PTPRM: variants seen among roughly 807,000 people sequenced by gnomAD.
PTPRM encodes the protein receptor-type tyrosine-protein phosphatase mu.
In PTPRM, 47 loss-of-function variants were observed where a neutral mutation model predicts 186.7. The observed-to-expected ratio is 0.25, with a 90% CI of 0.20 to 0.32. PTPRM has a LOEUF of 0.32. Ranked by LOEUF, PTPRM falls within the 10% of genes least tolerant of loss-of-function variation. The probability of loss-of-function intolerance (pLI) is 1.00; values close to 1 mark genes in which losing one functional copy is unlikely to be tolerated. For missense variants in PTPRM, 1,494 were observed against 1,865.0 expected (o/e 0.80, Z 3.66); for synonymous variants, 668 against 674.9 (o/e 0.99, Z 0.16).
chr18:7,807,717 T>C (rs1598815442), intron 2 of PTPRM, among the ~76,000 whole-genome samples: 2 of 152,346 alleles, frequency 1.3e-5, no homozygotes, highest in East Asian at 3.9e-4. Flanking sequence ...ATAGCATAAT[T>C]GGCTAAGACT....
rs1178603481 is a variant in PTPRM at position 8,125,976 on chromosome 18, CATATAT to C, written c.2167+11196_2167+11201del. Among the ~76,000 whole-genome samples the C allele has an allele frequency of 6.2e-3, 370 of 59,638 alleles. 8 individuals carry two copies. The highest frequency in any genetic ancestry group is 0.011 in the Middle Eastern group (1 of 90). 39.1% of individuals were successfully genotyped at this position (59,638 alleles called of 152,430 possible). A position where few individuals can be genotyped will look rare whatever the true frequency, so the allele number is the denominator to read the frequency against. On this transcript the variant is annotated intron_variant, in intron 13 of 32. Coordinates refer to ENST00000580170, the MANE Select transcript of PTPRM (RefSeq NM_001105244.2). ...GGAGAATGCTATATGTGTGTGTATA[CATATAT>C]ATATATATATATATATATATATATA...
At chr18:8,013,731 A>G (rs1021786507) in intron 7 of PTPRM, among the ~76,000 whole-genome samples, 1 of 152,202 alleles carries the variant, frequency 6.6e-6, no homozygotes. Context: ...CATTAGTTCA[A>G]GGATAACAGG....
intron 3 of PTPRM, among the ~76,000 whole-genome samples, chr18:7,895,704 G>A (rs2049319673): frequency 6.6e-6 from 1 of 152,204 alleles, no homozygotes; most frequent in African/African-American, 2.4e-5. Flanking sequence ...AAAATACTGA[G>A]TTAATTTTCA....
intron 14 of PTPRM, among the ~76,000 whole-genome samples, chr18:8,173,414 C>A (rs1044337221): frequency 2.0e-5 from 3 of 152,242 alleles, no homozygotes; most frequent in Non-Finnish European, 4.4e-5. Flanking sequence ...AGAATCGGGC[C>A]AGGGTCAGAC....
intron 13 of PTPRM, among the ~76,000 whole-genome samples, chr18:8,139,193 C>T (rs78562524): frequency 0.02 from 2,975 of 152,296 alleles, 65 homozygotes; most frequent in African/African-American, 0.054. Flanking sequence ...AAACCTGCTC[C>T]TCCTGCAGTT....
intron 1 of PTPRM, among the ~76,000 whole-genome samples, chr18:7,681,826 A>G (rs1245696932): frequency 6.6e-6 from 1 of 152,110 alleles, no homozygotes; most frequent in African/African-American, 2.4e-5. Context: ...AAGTATGTTT[A>G]TGGTTTAATT....
At chr18:7,837,209 CTTTT>C (rs1450024849) in intron 2 of PTPRM, among the ~76,000 whole-genome samples, 1 of 151,950 alleles carries the variant, frequency 6.6e-6, no homozygotes, top group African/African-American at 2.4e-5. Context: ...ATTCCTTTTT[CTTTT>C]GTTTCCTCTG....
intron 14 of PTPRM, among the ~76,000 whole-genome samples, chr18:8,160,044 C>G (rs985469079): frequency 6.6e-6 from 1 of 151,764 alleles, no homozygotes; most frequent in African/African-American, 2.4e-5. Flanking sequence ...ATAGGAGTAC[C>G]TTTAAATTCA....
At chr18:8,187,440 C>T (rs557750220) in intron 14 of PTPRM, among the ~76,000 whole-genome samples, 160 of 152,246 alleles carry the variant, frequency 1.1e-3, no homozygotes, top group Non-Finnish European at 1.5e-3. Flanking sequence ...CGGTGGCAGA[C>T]GTGGGCTGGG....
intron 11 of PTPRM, among the ~76,000 whole-genome samples, chr18:8,093,917 A>G (rs542631860): frequency 7.2e-5 from 11 of 152,302 alleles, no homozygotes; most frequent in African/African-American, 2.4e-4. Flanking sequence ...CCCTTTAAGT[A>G]TATGAATCTC....
intron 19 of PTPRM, among the ~76,000 whole-genome samples, chr18:8,289,587 T>TACAC (rs1289080179): frequency 1.0e-5 from 1 of 95,732 alleles, no homozygotes; most frequent in South Asian, 3.5e-4. Context: ...CATATATATA[T>TACAC]ACACATATAT....
At chr18:8,299,183 C>T (rs1000840594) in intron 20 of PTPRM, among the ~76,000 whole-genome samples, 1 of 152,158 alleles carries the variant, frequency 6.6e-6, no homozygotes, top group African/African-American at 2.4e-5. Context: ...AGCTGCTTGT[C>T]ACAGGAACAC....
At chr18:7,666,129 G>C (rs1214121201) in intron 1 of PTPRM, among the ~76,000 whole-genome samples, 1 of 152,130 alleles carries the variant, frequency 6.6e-6, no homozygotes, top group African/African-American at 2.4e-5. Flanking sequence ...TAAAAGACTT[G>C]AGGCAAAGCT....
intron 4 of PTPRM, among the ~76,000 whole-genome samples, chr18:7,907,781 T>C (rs190575809): frequency 6.6e-6 from 1 of 152,250 alleles, no homozygotes; most frequent in East Asian, 1.9e-4. Flanking sequence ...TATGCGCATG[T>C]GTGTGCTCTT....
chr18:7,708,881 T>C, intron 1 of PTPRM, among the ~76,000 whole-genome samples: 1 of 152,260 alleles, frequency 6.6e-6, no homozygotes, highest in Middle Eastern at 3.4e-3. Context: ...TATTTAATGA[T>C]TTATCAAAAA....
chr18:8,194,273 C>T (rs1439136321), intron 14 of PTPRM, among the ~76,000 whole-genome samples: 1 of 152,180 alleles, frequency 6.6e-6, no homozygotes, highest in African/African-American at 2.4e-5. Flanking sequence ...CTGGTTGTAT[C>T]CATAATGGTT....
At chr18:7,828,213 G>T (rs761551252) in intron 2 of PTPRM, among the ~76,000 whole-genome samples, 2 of 151,778 alleles carry the variant, frequency 1.3e-5, no homozygotes, top group African/African-American at 4.8e-5. Context: ...GGGAACTAAT[G>T]AGTTAGAATT....
chr18:8,054,528 A>G (rs967672545), intron 7 of PTPRM, among the ~76,000 whole-genome samples: 1 of 151,686 alleles, frequency 6.6e-6, no homozygotes, highest in Non-Finnish European at 1.5e-5. Context: ...TGATTACCCT[A>G]GAGAGTTTGC....
chr18:8,360,478 G>A (rs184046827), intron 23 of PTPRM, among the ~76,000 whole-genome samples: 6 of 152,338 alleles, frequency 3.9e-5, no homozygotes, highest in African/African-American at 1.4e-4. Context: ...GTAGAGCTCA[G>A]GACAAGGAAC....
Sources: allele counts gnomAD v4.1 joint callset (sites outside exome capture counted in the v4.1 genomes callset), GRCh38; gene constraint gnomAD v4.1.1; transcripts MANE v1.5; gene names NCBI Gene and HGNC (gene_info 2026-07-23, HGNC 2026-07-21).